Variants in MALRD1 observed in about 807,000 individuals in gnomAD.
MALRD1 encodes MAM and LDL-receptor class A domain-containing protein 1.
Under a neutral mutation model 242.1 loss-of-function variants are expected in MALRD1, and 247 were observed. The ratio of observed to expected loss-of-function variants is 1.02; its 90% CI spans 0.92 to 1.13. The LOEUF (loss-of-function observed/expected upper bound fraction) is 1.13. Ranked by LOEUF, MALRD1 falls within the 50% of genes most tolerant of loss-of-function variation. The pLI is 0.00. For synonymous variants in MALRD1, 995 were observed against 866.6 expected, an observed-to-expected ratio of 1.15 and a Z score of -2.60; for missense variants, 2,989 against 2,533.1, an observed-to-expected ratio of 1.18 and a Z score of -3.86.
At chr10:19,517,889 C>G (rs922303603) in intron 31 of MALRD1, among the ~76,000 whole-genome samples, 20 of 152,160 alleles carry the variant, frequency 1.3e-4, no homozygotes, top group Non-Finnish European at 1.5e-5. Context: ...CTCCACATCC[C>G]ACTTCTGACA....
intron 29 of MALRD1, among the ~76,000 whole-genome samples, chr10:19,472,047 C>T (rs1836523788): frequency 6.6e-6 from 1 of 151,872 alleles, no homozygotes; most frequent in Non-Finnish European, 1.5e-5. Flanking sequence ...TGAGCTTTCA[C>T]ATATGGCTTT....
chr10:19,307,848 A>G (rs200516698), intron 21 of MALRD1, among the ~76,000 whole-genome samples: 2 of 151,632 alleles, frequency 1.3e-5, no homozygotes, highest in South Asian at 2.1e-4. Flanking sequence ...ACAAATAATA[A>G]TTGCACATAT....
intron 31 of MALRD1, among the ~76,000 whole-genome samples, chr10:19,530,387 T>TAAATATATAA (rs1834320105): frequency 1.3e-5 from 1 of 76,852 alleles, no homozygotes; most frequent in Non-Finnish European, 2.2e-5. Flanking sequence ...AAATATTATA[T>TAAATATATAA]ATTTATATAA....
At chr10:19,530,331 A>T (rs36184900) in intron 31 of MALRD1, among the ~76,000 whole-genome samples, 1 of 120,516 alleles carries the variant, frequency 8.3e-6, no homozygotes, top group African/African-American at 3.3e-5. Context: ...TTATATAAAT[A>T]TATAATATTT....
intron 31 of MALRD1, among the ~76,000 whole-genome samples, chr10:19,526,655 TAACTC>T (rs1332659444): frequency 1.3e-5 from 2 of 152,124 alleles, no homozygotes; most frequent in African/African-American, 4.8e-5. Flanking sequence ...TATACTTTGA[TAACTC>T]AGCCCAGAGT....
At chr10:19,258,087 A>C (rs1349685822) in intron 19 of MALRD1, among the ~76,000 whole-genome samples, 1 of 152,168 alleles carries the variant, frequency 6.6e-6, no homozygotes, top group African/African-American at 2.4e-5. Context: ...CATTTGCCTT[A>C]TAATTACATC....
intron 35 of MALRD1, among the ~76,000 whole-genome samples, chr10:19,609,359 A>G (rs558281432): frequency 6.6e-6 from 1 of 152,180 alleles, no homozygotes; most frequent in East Asian, 1.9e-4. Flanking sequence ...TACATGTTGT[A>G]TGCTTTTTGG....
At chr10:19,521,956 T>C in intron 31 of MALRD1, among the ~76,000 whole-genome samples, 1 of 136,170 alleles carries the variant, frequency 7.3e-6, no homozygotes, top group South Asian at 2.2e-4. Context: ...CTCAGCTGAT[T>C]ATATGTTTTC....
In MALRD1 at chr10:19,280,049, A is replaced by G. The variant is rs942763407; in HGVS notation, c.3082A>G (p.Asn1028Asp). ...CCTGTATATTATTTCTTATCAAGGT[A>G]ATTTGCCAGCAGACCTCCCAACTCC... ...SFMDCTLYPGNLPADLPTPPE... is the reference protein window; with the variant it reads ...SFMDCTLYPGDLPADLPTPPE... The change falls in exon 20 of 40, where the codon AAT (asparagine) becomes GAT (aspartate). Residue 1028 changes from asparagine (N) to aspartate (D), a missense_variant and splice_region_variant. By Grantham distance (23) the Asn-to-Asp change is conservative (BLOSUM62 1). Transcript: ENST00000454679. 2 of 1,498,238 alleles carry G rather than the reference A, an allele frequency of 1.3e-6. No homozygotes were observed. The highest frequency in any genetic ancestry group is 8.9e-7 in the Non-Finnish European group (1 of 1,126,466). 92.8% of individuals were successfully genotyped at this position (1,498,238 alleles called of 1,614,324 possible). A position where few individuals can be genotyped will look rare whatever the true frequency, so the allele number is the denominator to read the frequency against.
chr10:19,575,271 G>T (rs1162050762), intron 33 of MALRD1, among the ~76,000 whole-genome samples: 1 of 152,142 alleles, frequency 6.6e-6, no homozygotes, highest in Non-Finnish European at 1.5e-5. Context: ...CAAACCCCCA[G>T]TTTGTGGCAT....
intron 32 of MALRD1, among the ~76,000 whole-genome samples, chr10:19,552,820 C>T (rs1258970025): frequency 6.6e-6 from 1 of 152,076 alleles, no homozygotes; most frequent in African/African-American, 2.4e-5. Context: ...GTTCTGCTCT[C>T]CTGCCCTCCT....
intron 2 of MALRD1, among the ~76,000 whole-genome samples, chr10:19,087,348 T>C (rs1196927344): frequency 2.0e-5 from 3 of 152,060 alleles, no homozygotes; most frequent in African/African-American, 7.2e-5. Flanking sequence ...AGGGAGTATA[T>C]AATTGCAATT....
At chr10:19,335,325 A>G (rs1442519875) in intron 24 of MALRD1, among the ~76,000 whole-genome samples, 1 of 152,048 alleles carries the variant, frequency 6.6e-6, no homozygotes, top group Non-Finnish European at 1.5e-5. Context: ...AACAAATCAG[A>G]ATAAACCTGA....
intron 14 of MALRD1, among the ~76,000 whole-genome samples, chr10:19,201,656 T>G (rs2131609292): frequency 6.6e-6 from 1 of 152,346 alleles, no homozygotes; most frequent in Admixed American, 6.5e-5. Flanking sequence ...TATGTATATT[T>G]ATGTGTTGTT....
rs185740535 is a variant in MALRD1, at chr10:19,240,101, C to G, written c.2992-17583C>G. Among the ~76,000 whole-genome samples, 52 of 152,082 alleles carry G rather than the reference C, an allele frequency of 3.4e-4. No homozygotes were observed. In the East Asian group the frequency reaches 9.9e-3, roughly 29 times the overall value. Reference sequence around the variant, plus strand: ...GGACATTTTGTTAGTATGGTCATTTCAATAGTATCAGTTCTTCCAATCCAT... The same window carrying G: ...GGACATTTTGTTAGTATGGTCATTTGAATAGTATCAGTTCTTCCAATCCAT... On this transcript the variant is annotated intron_variant, in intron 18 of 39. Coordinates refer to ENST00000454679, the MANE Select transcript of MALRD1 (RefSeq NM_001142308.3).
intron 19 of MALRD1, among the ~76,000 whole-genome samples, chr10:19,258,993 C>T (rs1839637006): frequency 6.6e-6 from 1 of 152,032 alleles, no homozygotes; most frequent in South Asian, 2.1e-4. Context: ...CACCACTTTC[C>T]CCATGGTCCA....
chr10:19,163,957 G>T (rs1023171585), intron 12 of MALRD1, among the ~76,000 whole-genome samples: 2 of 152,194 alleles, frequency 1.3e-5, no homozygotes, highest in Non-Finnish European at 2.9e-5. Context: ...GATGGGACAT[G>T]CACATCTCTT....
intron 31 of MALRD1, among the ~76,000 whole-genome samples, chr10:19,501,446 G>A (rs1837966802): frequency 1.3e-5 from 2 of 152,176 alleles, no homozygotes; most frequent in South Asian, 4.1e-4. Flanking sequence ...GCAATATTAT[G>A]CAGTCACTAA....
chr10:19,081,620 G>T (rs1432956747), intron 2 of MALRD1, among the ~76,000 whole-genome samples: 1 of 152,038 alleles, frequency 6.6e-6, no homozygotes, highest in African/African-American at 2.4e-5. Flanking sequence ...GTCAGGAGGG[G>T]AGAGGGGAGG....
Sources: allele counts gnomAD v4.1 joint callset (sites outside exome capture counted in the v4.1 genomes callset), GRCh38; gene constraint gnomAD v4.1.1; transcripts MANE v1.5; gene names NCBI Gene and HGNC (gene_info 2026-07-23, HGNC 2026-07-21).